The following PIP5K1B variants were observed in gnomAD, a reference collection of about 807,000 sequenced individuals.
PIP5K1B encodes phosphatidylinositol-4-phosphate 5-kinase type 1 beta.
A neutral mutation model predicts 67.0 loss-of-function variants in PIP5K1B; 42 were observed. The observed-to-expected ratio is 0.63, with a 90% confidence interval of 0.49 to 0.81. PIP5K1B has a LOEUF of 0.81. Ranked by LOEUF, PIP5K1B falls within the 30% of genes least tolerant of loss-of-function variation. The pLI is 0.00. For synonymous variants in PIP5K1B, 214 were observed against 231.4 expected (o/e 0.92, Z 0.68); for missense variants, 459 against 646.3 (o/e 0.71, Z 3.14).
intron 4 of PIP5K1B, among the ~76,000 whole-genome samples, chr9:68,852,108 T>A (rs1181153820): frequency 1.3e-5 from 2 of 151,988 alleles, no homozygotes; most frequent in Non-Finnish European, 2.9e-5. Context: ...AAATACCAAA[T>A]GCATGCAGGG....
chr9:68,887,424 C>G (rs1314886355), intron 6 of PIP5K1B, among the ~76,000 whole-genome samples: 1 of 152,110 alleles, frequency 6.6e-6, no homozygotes, highest in Non-Finnish European at 1.5e-5. Flanking sequence ...AAGTTAGTCT[C>G]TGTGGCTAGA....
chr9:68,993,034 C>T (rs1332041432), intron 15 of PIP5K1B, among the ~76,000 whole-genome samples: 2 of 150,100 alleles, frequency 1.3e-5, no homozygotes, highest in African/African-American at 2.5e-5. Context: ...TGGTGGCAGG[C>T]GCCTGTAGTC....
chr9:68,715,977 C>T (rs541527365), intron 1 of PIP5K1B, among the ~76,000 whole-genome samples: 1 of 152,260 alleles, frequency 6.6e-6, no homozygotes, highest in South Asian at 2.1e-4. Flanking sequence ...TTGTTTGCCT[C>T]TGGGGAGGTG....
At chr9:68,815,164 A>G (rs952200664) in intron 2 of PIP5K1B, among the ~76,000 whole-genome samples, 7 of 152,068 alleles carry the variant, frequency 4.6e-5, no homozygotes, top group African/African-American at 1.7e-4. Context: ...AAAATGACAA[A>G]TTCTCTGGAA....
chr9:68,795,215 G>A (rs1317016925), intron 2 of PIP5K1B, among the ~76,000 whole-genome samples: 1 of 152,052 alleles, frequency 6.6e-6, no homozygotes, highest in Non-Finnish European at 1.5e-5. Flanking sequence ...TGTCTCTACA[G>A]GCTGGTAGAA....
intron 4 of PIP5K1B, among the ~76,000 whole-genome samples, chr9:68,839,407 G>A (rs1370427517): frequency 1.3e-5 from 2 of 152,176 alleles, no homozygotes; most frequent in African/African-American, 4.8e-5. Flanking sequence ...AGAAGGTAAA[G>A]AGTGGGGAGA....
At chr9:68,887,868 C>T (rs1048381450) in intron 6 of PIP5K1B, among the ~76,000 whole-genome samples, 2 of 151,904 alleles carry the variant, frequency 1.3e-5, no homozygotes, top group Admixed American at 6.6e-5. Flanking sequence ...AGGGAAAAGG[C>T]AGAGAACAGG....
At chr9:68,814,024 C>G (rs547186119) in intron 2 of PIP5K1B, among the ~76,000 whole-genome samples, 1 of 152,092 alleles carries the variant, frequency 6.6e-6, no homozygotes, top group Non-Finnish European at 1.5e-5. Context: ...AATGAAAGTC[C>G]CACGCAAGAC....
At chr9:68,822,391 G>T in intron 3 of PIP5K1B, 1 of 453,176 alleles carries the variant, frequency 2.2e-6, no homozygotes, top group Non-Finnish European at 3.9e-6. Flanking sequence ...GAGCATATGG[G>T]ATAAAATATA....
chr9:68,907,238 C>T (rs1027793109), intron 8 of PIP5K1B, among the ~76,000 whole-genome samples: 2 of 152,078 alleles, frequency 1.3e-5, no homozygotes, highest in African/African-American at 2.4e-5. Context: ...TAGGTGAGCA[C>T]CATTGGAAAC....
At chr9:68,888,925 G>T in intron 6 of PIP5K1B, 56 bp from the exon 7 acceptor site, 1 of 1,237,036 alleles carries the variant, frequency 8.1e-7, no homozygotes, top group Non-Finnish European at 1.2e-6. Context: ...TGTCCTCCTT[G>T]GAGGCATCAC....
At chr9:68,824,525 AT>A (rs901853739) in intron 4 of PIP5K1B, among the ~76,000 whole-genome samples, 5 of 152,104 alleles carry the variant, frequency 3.3e-5, no homozygotes, top group African/African-American at 4.8e-5. Flanking sequence ...GGGACCAGAA[AT>A]TTTTTTTAAT....
intron 2 of PIP5K1B, among the ~76,000 whole-genome samples, chr9:68,804,203 A>G (rs544560720): frequency 3.7e-4 from 57 of 152,274 alleles, no homozygotes; most frequent in Admixed American, 3.1e-3. Context: ...CTCAGGAAGG[A>G]GTTCACATGC....
chr9:68,877,948 C>A (rs917136663), intron 6 of PIP5K1B, among the ~76,000 whole-genome samples: 1 of 151,946 alleles, frequency 6.6e-6, no homozygotes, highest in Non-Finnish European at 1.5e-5. Context: ...ACTCCCCTTT[C>A]ATTGAAGCCT....
At chr9:68,745,151 G>A (rs747091794) in intron 2 of PIP5K1B, among the ~76,000 whole-genome samples, 12 of 152,176 alleles carry the variant, frequency 7.9e-5, no homozygotes, top group Non-Finnish European at 1.5e-4. Context: ...CTTCCACATC[G>A]TAAGAGCCTC....
At chr9:68,842,750 A>G (rs1287665742) in intron 4 of PIP5K1B, among the ~76,000 whole-genome samples, 2 of 152,226 alleles carry the variant, frequency 1.3e-5, no homozygotes, top group Admixed American at 6.5e-5. Flanking sequence ...TGAACATCCT[A>G]CAATGGACAG....
intron 2 of PIP5K1B, chr9:68,780,091 G>A: frequency 6.4e-5 from 85 of 1,334,768 alleles, no homozygotes; most frequent in South Asian, 4.0e-4. Flanking sequence ...CGGCAGCGGC[G>A]GCGGCCCTGG....
At chr9:68,844,504 G>T (rs773502025) in intron 4 of PIP5K1B, among the ~76,000 whole-genome samples, 2 of 152,096 alleles carry the variant, frequency 1.3e-5, no homozygotes, top group Non-Finnish European at 2.9e-5. Flanking sequence ...CAAGTCAAGG[G>T]GTTCTTGGAA....
intron 14 of PIP5K1B, among the ~76,000 whole-genome samples, chr9:68,979,478 G>T (rs987091475): frequency 6.5e-5 from 7 of 107,058 alleles, no homozygotes; most frequent in Non-Finnish European, 1.2e-4. Flanking sequence ...GGTGAAAAAG[G>T]TCCCTGAACT....
Sources: gnomAD v4.1 joint callset for allele counts (sites outside exome capture counted in the v4.1 genomes callset) on GRCh38, gnomAD v4.1.1 for gene constraint, MANE v1.5 for transcripts, NCBI Gene and HGNC (gene_info 2026-07-23, HGNC 2026-07-21) for gene names.